STK3: variants seen among roughly 807,000 people sequenced by gnomAD.
STK3 encodes the protein serine/threonine-protein kinase 3.
STK3 carries 41 observed loss-of-function variants against 58.0 expected under a neutral mutation model. The ratio of observed to expected loss-of-function variants is 0.71; its 90% confidence interval spans 0.55 to 0.92. STK3 has a LOEUF of 0.92. STK3 is among the 40% of genes least tolerant of loss of function. The pLI is 0.00. For synonymous variants in STK3, 170 were observed against 191.0 expected, an observed-to-expected ratio of 0.89 and a Z score of 0.91; for missense variants, 479 against 602.7, an observed-to-expected ratio of 0.79 and a Z score of 2.15.
In STK3 at chr8:98,479,138, T is replaced by C. The variant is rs575915870; in HGVS notation, c.1318-23138A>G. 5.9e-5 allele frequency among the ~76,000 whole-genome samples: 9 copies of C among 152,310 alleles called. No individual in the cohort carries two copies. The East Asian group carries it at 7.7e-4, about 13-fold the overall frequency. On this transcript the variant is annotated intron_variant, in intron 10 of 10. Coordinates refer to ENST00000419617, the MANE Select transcript of STK3 (RefSeq NM_006281.4). ...CTGCATGAAGACATGAAAAAATCTC[T>C]TTCTGCGTGATAGTGCAGGTGTGTA...
At chr8:98,652,270 A>C (rs113539474) in intron 6 of STK3, among the ~76,000 whole-genome samples, 96 of 152,230 alleles carry the variant, frequency 6.3e-4, no homozygotes, top group South Asian at 8.3e-4. Flanking sequence ...CCTTTACAGA[A>C]AAGCAAATGC....
chr8:98,726,644 C>T (rs1046299251), intron 4 of STK3, among the ~76,000 whole-genome samples: 2 of 152,090 alleles, frequency 1.3e-5, no homozygotes, highest in Non-Finnish European at 2.9e-5. Flanking sequence ...TCATTAGTAC[C>T]CACTCAGAGT....
At chr8:98,513,540 T>C (rs185529355) in intron 10 of STK3, among the ~76,000 whole-genome samples, 1 of 152,302 alleles carries the variant, frequency 6.6e-6, no homozygotes. Context: ...TGACCTGGCA[T>C]ATGTCCCTAG....
downstream of STK3, chr8:98,878,756 A>G (rs1837665057): frequency 5.7e-6 from 1 of 176,418 alleles, no homozygotes; most frequent in Non-Finnish European, 1.1e-5. Flanking sequence ...AGAATTAAAA[A>G]GAAAATTTTA....
intron 7 of STK3, among the ~76,000 whole-genome samples, chr8:98,584,302 T>C (rs1235776005): frequency 6.8e-6 from 1 of 147,796 alleles, no homozygotes; most frequent in South Asian, 2.2e-4. Flanking sequence ...CCTGTGTCCA[T>C]GTGATCTCAT....
intron 6 of STK3, among the ~76,000 whole-genome samples, chr8:98,697,008 G>A (rs568095364): frequency 6.6e-6 from 1 of 152,164 alleles, no homozygotes; most frequent in African/African-American, 2.4e-5. Flanking sequence ...TGGTTGGTAA[G>A]CTATTGACTA....
At chr8:98,458,093 A>G (rs1819634802) in intron 10 of STK3, among the ~76,000 whole-genome samples, 1 of 145,848 alleles carries the variant, frequency 6.9e-6, no homozygotes, top group Non-Finnish European at 1.5e-5. Context: ...ACTTTGTCTC[A>G]ATATCACATA....
intron 6 of STK3, among the ~76,000 whole-genome samples, chr8:98,658,154 T>G (rs1821687864): frequency 6.6e-6 from 1 of 152,044 alleles, no homozygotes. Context: ...CACAGACTAT[T>G]AGATCCAAGA....
the STK3 span, among the ~76,000 whole-genome samples, chr8:98,346,380 G>A: frequency 6.6e-6 from 1 of 151,708 alleles, no homozygotes; most frequent in East Asian, 1.9e-4. Context: ...AGAGGAGGGG[G>A]AGTAGGAGAC....
intron 1 of STK3, among the ~76,000 whole-genome samples, chr8:98,387,870 GC>G (rs1344129740): frequency 0.015 from 1,990 of 136,554 alleles, 65 homozygotes; most frequent in African/African-American, 0.058. Context: ...TTTGTAAAAT[GC>G]CCTTTTTTTT....
At chr8:98,436,903 C>T (rs1301060438) in intron 2 of STK3, 2 of 152,344 alleles carry the variant, frequency 1.3e-5, no homozygotes, top group Non-Finnish European at 2.9e-5. Flanking sequence ...AGGTGTCACC[C>T]ACACTTTCCT....
chr8:98,398,118 C>T (rs1176809965), downstream of STK3, among the ~76,000 whole-genome samples: 1 of 152,182 alleles, frequency 6.6e-6, no homozygotes, highest in Non-Finnish European at 1.5e-5. Context: ...AACCTGCTGC[C>T]ACCCCTCAGC....
At chr8:98,940,240 C>T (rs1427217788) in intron 1 of STK3, among the ~76,000 whole-genome samples, 3 of 152,212 alleles carry the variant, frequency 2.0e-5, no homozygotes, top group South Asian at 2.1e-4. Context: ...ACCATCCTCA[C>T]GCTCCAGGGT....
chr8:98,345,417 C>T, the STK3 span, among the ~76,000 whole-genome samples: 17 of 151,986 alleles, frequency 1.1e-4, no homozygotes, highest in Admixed American at 2.6e-4. Context: ...CTTTTTACTC[C>T]CCTTTTCTGC....
In STK3 at chr8:98,454,969, T is replaced by C. The variant is rs747610994; in HGVS notation, c.*873A>G. On this transcript the variant is annotated 3_prime_UTR_variant, in exon 11 of 11. Transcript: ENST00000419617. The stretch of plus-strand genomic sequence containing the variant: ...CACATTTTCATAGAAATGAAATTGA[T>C]GAGCTTATTACAGTTTGAATCAGTT... 6.6e-6 allele frequency: 1 copy of C among 152,428 alleles called. No individual in the cohort carries two copies. The highest frequency in any genetic ancestry group is 2.4e-5 in the African/African-American group (1 of 41,536). The allele number at this position is 152,428 out of a possible 1,614,324, so 9.4% of individuals were successfully genotyped here.
upstream of STK3, among the ~76,000 whole-genome samples, chr8:98,828,497 C>A (rs143362727): frequency 6.7e-6 from 1 of 149,326 alleles, no homozygotes. Context: ...GTGGCATGCA[C>A]CTGTAGTCCC....
intron 1 of STK3, among the ~76,000 whole-genome samples, chr8:98,889,212 A>C (rs1295287019): frequency 1.3e-5 from 2 of 152,260 alleles, no homozygotes; most frequent in Non-Finnish European, 2.9e-5. Context: ...ACAGAACAAG[A>C]TGGTATGAGA....
intron 7 of STK3, chr8:98,595,220 A>T (rs903843048): frequency 6.6e-6 from 1 of 151,980 alleles, no homozygotes; most frequent in African/African-American, 2.4e-5. Context: ...AACAATAAAC[A>T]TTATACTTAA....
At position 98,577,865 on chromosome 8, in the gene STK3, C is replaced by T. The variant is rs1813541207; in HGVS notation, c.948+1799G>A. On this transcript the variant is annotated intron_variant, in intron 8 of 10. Transcript: ENST00000419617. ...CTCAAAAGAAAAGAACCTAGCCACTCCAAGAGTTCTAAGAAAAAGAGTGTT... is the reference window on the plus strand; with the variant it reads ...CTCAAAAGAAAAGAACCTAGCCACTTCAAGAGTTCTAAGAAAAAGAGTGTT... Among the ~76,000 whole-genome samples, 3 of 152,004 alleles carry T rather than the reference C, an allele frequency of 2.0e-5. No homozygotes were observed. In the South Asian group the frequency reaches 6.2e-4, roughly 32 times the overall value.
Sources: gnomAD v4.1 joint callset for allele counts (sites outside exome capture counted in the v4.1 genomes callset) on GRCh38, gnomAD v4.1.1 for gene constraint, MANE v1.5 for transcripts, NCBI Gene and HGNC (gene_info 2026-07-23, HGNC 2026-07-21) for gene names.